Variants in SDC2 observed in about 807,000 individuals in gnomAD.
The protein encoded by SDC2 is syndecan-2.
A neutral mutation model predicts 22.2 loss-of-function variants in SDC2; 13 were observed. The ratio of observed to expected loss-of-function variants is 0.59; its 90% CI spans 0.38 to 0.93. The LOEUF is 0.93. Among genes scored for constraint, SDC2 ranks in the 40% least tolerant of loss-of-function variants. The pLI, the probability that SDC2 is intolerant of heterozygous loss-of-function variation, is 0.00. For missense variants in SDC2, 235 were observed against 246.8 expected (o/e 0.95, Z 0.32); for synonymous variants, 94 against 92.8 (o/e 1.01, Z -0.07).
chr8:96,572,710 T>C (rs1814416792), intron 1 of SDC2, among the ~76,000 whole-genome samples: 1 of 152,226 alleles, frequency 6.6e-6, no homozygotes. Context: ...GCACATATCG[T>C]GGTCCATTTC....
chr8:96,605,663 T>C (rs1815066038), intron 3 of SDC2, among the ~76,000 whole-genome samples: 1 of 152,232 alleles, frequency 6.6e-6, no homozygotes, highest in Non-Finnish European at 1.5e-5. Context: ...CATGGCAGGT[T>C]GAAGTTTAGG....
intron 1 of SDC2, among the ~76,000 whole-genome samples, chr8:96,505,859 A>G (rs2008026): frequency 0.22 from 33,410 of 152,170 alleles, 3,821 homozygotes; most frequent in Non-Finnish European, 0.27. Flanking sequence ...AGTTAAAAAG[A>G]AATTATGACA....
chr8:96,512,996 A>G (rs1262562349), intron 1 of SDC2, among the ~76,000 whole-genome samples: 1 of 151,456 alleles, frequency 6.6e-6, no homozygotes, highest in Non-Finnish European at 1.5e-5. Flanking sequence ...TATGTTTTTT[A>G]TACTTTATAC....
At chr8:96,504,767 A>G (rs1261864681) in intron 1 of SDC2, among the ~76,000 whole-genome samples, 1 of 152,206 alleles carries the variant, frequency 6.6e-6, no homozygotes, top group South Asian at 2.1e-4. Flanking sequence ...ATTTTCACAA[A>G]TTTAGAACTG....
intron 1 of SDC2, among the ~76,000 whole-genome samples, chr8:96,563,928 C>A (rs1311819522): frequency 6.6e-6 from 1 of 152,192 alleles, no homozygotes; most frequent in Non-Finnish European, 1.5e-5. Flanking sequence ...TAGCTGTGAG[C>A]CACTGGCGGC....
intron 1 of SDC2, among the ~76,000 whole-genome samples, chr8:96,540,350 A>ATATATATATATATATATATG (rs1456777164): frequency 2.9e-4 from 43 of 147,176 alleles, no homozygotes; most frequent in Non-Finnish European, 3.0e-5. Flanking sequence ...GTATATATAT[A>ATATATATATATATATATATG]TATATAAAAA....
intron 1 of SDC2, among the ~76,000 whole-genome samples, chr8:96,577,267 G>A (rs1001034286): frequency 7.2e-5 from 11 of 152,186 alleles, no homozygotes; most frequent in African/African-American, 2.7e-4. Context: ...AGGCAGCTAG[G>A]TACATACATC....
chr8:96,593,145 ATGGCT>A (rs1814813269), intron 1 of SDC2, among the ~76,000 whole-genome samples: 1 of 152,250 alleles, frequency 6.6e-6, no homozygotes, highest in African/African-American at 2.4e-5. Context: ...AATGCCCAAG[ATGGCT>A]TATAACTAGC....
intron 1 of SDC2, among the ~76,000 whole-genome samples, chr8:96,523,098 A>G (rs1242442149): frequency 6.6e-6 from 1 of 152,230 alleles, no homozygotes; most frequent in African/African-American, 2.4e-5. Flanking sequence ...GTTGCTCCAT[A>G]GTAAATGGTT....
rs561430343 is a variant in SDC2 at position 96,568,452 on chromosome 8, C to A, written c.61-25028C>A. ...TGTTTTAGTGTCTGGTGGTGGAGCC[C>A]CAAAGCTCTGTCTGTATTTGCCAGA... On this transcript the variant is annotated intron_variant, in intron 1 of 4. Transcript: ENST00000302190. Among the ~76,000 whole-genome samples the A allele has an allele frequency of 1.1e-4, 16 of 152,256 alleles. No individual in the cohort carries two copies. In the East Asian group the frequency reaches 3.1e-3, roughly 29 times the overall value.
chr8:96,571,778 AGTACCT>A (rs1814399171), intron 1 of SDC2, among the ~76,000 whole-genome samples: 1 of 152,244 alleles, frequency 6.6e-6, no homozygotes, highest in Non-Finnish European at 1.5e-5. Flanking sequence ...TCCTGAAGAC[AGTACCT>A]TGAACATTTT....
At chr8:96,511,843 C>T (rs1048311710) in intron 1 of SDC2, among the ~76,000 whole-genome samples, 1 of 151,272 alleles carries the variant, frequency 6.6e-6, no homozygotes, top group African/African-American at 2.4e-5. Flanking sequence ...CTCAGCTCAA[C>T]CTTACTTTGT....
intron 1 of SDC2, among the ~76,000 whole-genome samples, chr8:96,545,205 G>A (rs1813912121): frequency 6.6e-6 from 1 of 152,206 alleles, no homozygotes; most frequent in Admixed American, 6.5e-5. Context: ...AGGGTTTTTA[G>A]AAAGTCGAAA....
chr8:96,608,251 A>C, intron 3 of SDC2, 84 bp from the exon 4 acceptor site: 1 of 1,377,662 alleles, frequency 7.3e-7, no homozygotes, highest in Non-Finnish European at 9.8e-7. Flanking sequence ...GGAAAAAAAA[A>C]TTTTGGAATA....
At chr8:96,593,740 C>T in intron 2 of SDC2, 149 bp downstream of exon 2, 1 of 589,486 alleles carries the variant, frequency 1.7e-6, no homozygotes, top group South Asian at 2.0e-5. Flanking sequence ...CTAATTCTAG[C>T]TCTCTCTGCC....
At chr8:96,584,775 CTGTT>C (rs1263105225) in intron 1 of SDC2, among the ~76,000 whole-genome samples, 4 of 152,202 alleles carry the variant, frequency 2.6e-5, no homozygotes, top group African/African-American at 9.7e-5. Context: ...TCGCTTCTCT[CTGTT>C]TGATATTCCA....
intron 1 of SDC2, among the ~76,000 whole-genome samples, chr8:96,505,323 A>G (rs903121407): frequency 2.8e-4 from 42 of 151,970 alleles, no homozygotes; most frequent in African/African-American, 1.0e-3. Flanking sequence ...TTTTTTTTTG[A>G]GACAGGGTCT....
intron 1 of SDC2, among the ~76,000 whole-genome samples, chr8:96,518,931 C>T (rs746325455): frequency 6.6e-6 from 1 of 152,172 alleles, no homozygotes; most frequent in Non-Finnish European, 1.5e-5. Flanking sequence ...AAGAAGTGTG[C>T]ATGTCTGTCT....
intron 1 of SDC2, among the ~76,000 whole-genome samples, chr8:96,516,303 G>A (rs2130449596): frequency 1.3e-5 from 2 of 152,224 alleles, no homozygotes; most frequent in South Asian, 4.1e-4. Flanking sequence ...AACATAGCAA[G>A]CGTTATCTAG....
Sources: gnomAD v4.1 joint callset for allele counts (sites outside exome capture counted in the v4.1 genomes callset) on GRCh38, gnomAD v4.1.1 for gene constraint, MANE v1.5 for transcripts, NCBI Gene and HGNC (gene_info 2026-07-23, HGNC 2026-07-21) for gene names.